Variants in MAPKAPK2 observed in about 807,000 individuals in gnomAD.
MAPKAPK2 encodes MAPK activated protein kinase 2, also known as MAP kinase-activated protein kinase 2.
Under a neutral mutation model 48.8 loss-of-function variants are expected in MAPKAPK2, and 9 were observed. That is an observed-to-expected ratio of 0.18 (90% CI 0.11 to 0.32). The LOEUF (loss-of-function observed/expected upper bound fraction) is 0.32. MAPKAPK2 is among the 10% of genes least tolerant of loss of function. The probability of loss-of-function intolerance (pLI) is 1.00; values close to 1 mark genes in which losing one functional copy is unlikely to be tolerated. For synonymous variants in MAPKAPK2, 202 were observed against 190.6 expected (o/e 1.06, Z -0.49); for missense variants, 331 against 498.3 (o/e 0.66, Z 3.20).
At position 206,730,059 on chromosome 1, in the gene MAPKAPK2, A is replaced by G. The variant is rs781830804; in HGVS notation, c.652A>G (p.Asn218Asp). 6.2e-7 allele frequency: 1 copy of G among 1,614,250 alleles called. No homozygotes were observed. Among genetic ancestry groups the G allele is most frequent in the East Asian group, 2.2e-5 (1 of 44,894 alleles). ...CTTTGCCAAGGAAACCACCAGCCAC[A>G]ACTCTTTGACCACTCCTTGTTATAC... ...FGFAKETTSH[N>D]SLTTPCYTPY... is the part of the protein sequence containing the mutation. The change falls in exon 5 of 10, where the codon AAC becomes GAC. Residue 218 changes from asparagine to aspartate, a missense_variant. Around this residue, in one of 4 missense-constraint regions of MAPKAPK2, gnomAD observed 111 missense variants for 193.6 expected, o/e 0.57. Coordinates refer to ENST00000367103, the MANE Select transcript of MAPKAPK2 (RefSeq NM_032960.4).
chr1:206,732,052 C>T lies in MAPKAPK2; in HGVS notation c.1059+133C>T. 2 of 1,614,144 alleles carry T rather than the reference C, an allele frequency of 1.2e-6. No individual in the cohort carries two copies. The highest frequency in any genetic ancestry group is 1.7e-6 in the Non-Finnish European group (2 of 1,180,022). ...TCTCATCCCAGGGGTGTCTTCATGA[C>T]AAGAACAGCGACCAGGCCACTTGGC... On this transcript the variant is annotated intron_variant, in intron 9 of 9. Coordinates refer to ENST00000367103, the MANE Select transcript of MAPKAPK2 (RefSeq NM_032960.4). This position sits in a 1 kb window ranked among gnomAD's most constrained non-coding sequence, Gnocchi z 4.4.
chr1:206,702,080 A>G (rs1016829983), intron 1 of MAPKAPK2, among the ~76,000 whole-genome samples: 3 of 152,320 alleles, frequency 2.0e-5, no homozygotes, highest in African/African-American at 7.2e-5. Flanking sequence ...GGGTTTGGCA[A>G]CCACCAACCT....
rs143693536 is a variant in MAPKAPK2 at position 206,711,016 on chromosome 1, G to A, written c.280-17694G>A. Among the ~76,000 whole-genome samples the A allele has an allele frequency of 3.5e-3, 526 of 152,184 alleles. 5 individuals carry two copies. Among genetic ancestry groups the A allele is most frequent in the African/African-American group, 0.012 (479 of 41,504 alleles). ...GTTTTGACCGAAATTTTTAAATGTC[G>A]TGGAAAAATCATAATTTTCCTCATT... On this transcript the variant is annotated intron_variant, in intron 1 of 9. Transcript: ENST00000367103.
chr1:206,693,656 C>T (rs1553426610), intron 1 of MAPKAPK2, among the ~76,000 whole-genome samples: 1 of 152,176 alleles, frequency 6.6e-6, no homozygotes, highest in Non-Finnish European at 1.5e-5. Context: ...AACAGAGTTA[C>T]CATAGTTATA....
intron 1 of MAPKAPK2, among the ~76,000 whole-genome samples, chr1:206,716,687 G>A (rs1673348589): frequency 1.3e-5 from 2 of 152,166 alleles, no homozygotes; most frequent in South Asian, 2.1e-4. Flanking sequence ...TTTGGCAGCC[G>A]CACAGGGTCG....
chr1:206,717,059 C>T (rs781872028), intron 1 of MAPKAPK2, among the ~76,000 whole-genome samples: 4 of 152,162 alleles, frequency 2.6e-5, no homozygotes, highest in African/African-American at 7.2e-5. Context: ...AGAGCAAAGA[C>T]GAGTCACTTA....
At chr1:206,720,503 G>T (rs1295861689) in intron 1 of MAPKAPK2, among the ~76,000 whole-genome samples, 2 of 152,036 alleles carry the variant, frequency 1.3e-5, no homozygotes, top group Non-Finnish European at 1.5e-5. Context: ...TTACAGGTGC[G>T]TGCCACCATG....
Position 206,732,021 on chromosome 1 carries a change from T to C in MAPKAPK2, c.1059+102T>C, listed in dbSNP as rs374110368. ...GTGCTGGTAGGGGAGAGCTTGATTCTGCCTCTCTCATCCCAGGGGTGTCTT... is the reference window on the plus strand; with the variant it reads ...GTGCTGGTAGGGGAGAGCTTGATTCCGCCTCTCTCATCCCAGGGGTGTCTT... On this transcript the variant is annotated intron_variant, in intron 9 of 9. Coordinates refer to ENST00000367103, the MANE Select transcript of MAPKAPK2 (RefSeq NM_032960.4). This position sits in a 1 kb window ranked among gnomAD's most constrained non-coding sequence, Gnocchi z 4.4. 1.3e-5 allele frequency: 21 copies of C among 1,614,038 alleles called. No individual in the cohort carries two copies. Among genetic ancestry groups the C allele is most frequent in the Non-Finnish European group, 1.8e-5 (21 of 1,180,030 alleles).
In MAPKAPK2 at chr1:206,685,301, C is replaced by T. The variant is rs17041931; in HGVS notation, c.72C>T (p.Pro24=). 7.3e-6 allele frequency: 5 copies of T among 687,486 alleles called. 1 individual carries two copies. Among genetic ancestry groups the T allele is most frequent in the South Asian group, 4.8e-5 (2 of 41,810 alleles). 42.6% of individuals were successfully genotyped at this position (687,486 alleles called of 1,614,324 possible). A position where few individuals can be genotyped will look rare whatever the true frequency, so the allele number is the denominator to read the frequency against. Residue 24 remains proline, a synonymous_variant, in exon 1 of 10, where the codon CCC becomes CCT. Transcript: ENST00000367103. The part of the protein sequence containing the change: ...FPAPAPPPQP[P]TPALPHPPAQ... ...CCCCGGCCCCGCCGCCGCAGCCCCCCACCCCTGCCCTGCCGCACCCCCCGG... is the reference window on the plus strand; with the variant it reads ...CCCCGGCCCCGCCGCCGCAGCCCCCTACCCCTGCCCTGCCGCACCCCCCGG...
chr1:206,691,441 T>C (rs1449483309), intron 1 of MAPKAPK2, among the ~76,000 whole-genome samples: 3 of 144,540 alleles, frequency 2.1e-5, no homozygotes, highest in Non-Finnish European at 4.5e-5. Context: ...GCTGTGTACC[T>C]TTTCTAGTTT....
At chr1:206,686,571 C>T (rs569261772) in intron 1 of MAPKAPK2, among the ~76,000 whole-genome samples, 1 of 152,252 alleles carries the variant, frequency 6.6e-6, no homozygotes, top group African/African-American at 2.4e-5. Context: ...AGGTCTGTTT[C>T]CCCTGGGGTG....
intron 4 of MAPKAPK2, among the ~76,000 whole-genome samples, chr1:206,729,763 G>A (rs1411721882): frequency 2.6e-5 from 4 of 152,230 alleles, no homozygotes; most frequent in African/African-American, 9.7e-5. Flanking sequence ...GGTTCTGTGT[G>A]TCAGTCTGTT....
intron 1 of MAPKAPK2, among the ~76,000 whole-genome samples, chr1:206,690,484 A>G (rs1403502995): frequency 6.6e-6 from 1 of 152,272 alleles, no homozygotes; most frequent in African/African-American, 2.4e-5. Context: ...GTGGGTGTCT[A>G]GGAAACAAAA....
chr1:206,699,267 A>T (rs537382949), intron 1 of MAPKAPK2, among the ~76,000 whole-genome samples: 1 of 152,228 alleles, frequency 6.6e-6, no homozygotes, highest in South Asian at 2.1e-4. Context: ...GGTGGGGGTA[A>T]GTGTCTGGGC....
chr1:206,721,937 C>T (rs1010545208), intron 1 of MAPKAPK2, among the ~76,000 whole-genome samples: 19 of 152,088 alleles, frequency 1.2e-4, no homozygotes, highest in African/African-American at 3.4e-4. Flanking sequence ...TGGTGGCACA[C>T]GCCTGTAATC....
intron 1 of MAPKAPK2, 86 bp from the exon 2 acceptor site, chr1:206,728,624 G>C: frequency 6.7e-7 from 1 of 1,498,036 alleles, no homozygotes; most frequent in African/African-American, 1.4e-5. Context: ...GTGGTATGTC[G>C]GTGGCGATGT....
intron 1 of MAPKAPK2, among the ~76,000 whole-genome samples, chr1:206,695,548 C>G (rs781805738): frequency 7.9e-5 from 12 of 151,612 alleles, no homozygotes; most frequent in Admixed American, 5.3e-4. Flanking sequence ...TTTCCACCCC[C>G]ACACCTTAGC....
At chr1:206,727,629 T>TA (rs1491177655) in intron 1 of MAPKAPK2, among the ~76,000 whole-genome samples, 3 of 146,046 alleles carry the variant, frequency 2.1e-5, no homozygotes, top group African/African-American at 5.0e-5. Flanking sequence ...AGCAGATTTC[T>TA]TTTTTTTTTG....
rs147923941 is a variant in MAPKAPK2 at position 206,712,036 on chromosome 1, T to C, written c.280-16674T>C. On this transcript the variant is annotated intron_variant, in intron 1 of 9. Coordinates refer to ENST00000367103, the MANE Select transcript of MAPKAPK2 (RefSeq NM_032960.4). ...CATAAACTCCATTTAATCGATGAGTTCAATGGAGATTTAGAATGTGAAGTA... is the reference window on the plus strand; with the variant it reads ...CATAAACTCCATTTAATCGATGAGTCCAATGGAGATTTAGAATGTGAAGTA... Among the ~76,000 whole-genome samples, 787 of 152,328 alleles carry C rather than the reference T, an allele frequency of 5.2e-3. 9 individuals are homozygous for C. Among genetic ancestry groups the C allele is most frequent in the Admixed American group, 8.4e-3 (129 of 15,308 alleles).
Sources: gnomAD v4.1 joint callset for allele counts (sites outside exome capture counted in the v4.1 genomes callset) on GRCh38, gnomAD v4.1.1 for gene constraint, gnomAD v4.1.1 regional missense constraint, Gnocchi (gnomAD v3.1) non-coding constraint, MANE v1.5 for transcripts, NCBI Gene and HGNC (gene_info 2026-07-23, HGNC 2026-07-21) for gene names.